NR3C1: variants seen among roughly 807,000 people sequenced by gnomAD.
NR3C1 encodes nuclear receptor subfamily 3 group C member 1.
NR3C1 carries 14 observed loss-of-function variants against 74.0 expected under a neutral mutation model. The observed-to-expected ratio is 0.19, with a 90% CI of 0.12 to 0.30. The LOEUF (loss-of-function observed/expected upper bound fraction) is 0.30. Ranked by LOEUF, NR3C1 falls within the 10% of genes least tolerant of loss-of-function variation. The probability of loss-of-function intolerance (pLI) is 1.00; values close to 1 mark genes in which losing one functional copy is unlikely to be tolerated. For synonymous variants in NR3C1, 308 were observed against 332.5 expected (o/e 0.93, Z 0.80); for missense variants, 695 against 909.8 (o/e 0.76, Z 3.04).
chr5:143,291,128 ACT>A (rs1236837764), intron 7 of NR3C1, among the ~76,000 whole-genome samples: 2 of 152,064 alleles, frequency 1.3e-5, no homozygotes, highest in African/African-American at 4.8e-5. Flanking sequence ...GGAAATTGTT[ACT>A]GTTGTTATTT....
At chr5:143,363,681 C>T (rs1832690515) in intron 2 of NR3C1, among the ~76,000 whole-genome samples, 1 of 151,880 alleles carries the variant, frequency 6.6e-6, no homozygotes, top group Admixed American at 6.6e-5. Context: ...TCTCATTAAA[C>T]TGAGAATAAT....
At chr5:143,345,549 T>C (rs1479881576) in intron 2 of NR3C1, among the ~76,000 whole-genome samples, 2 of 152,228 alleles carry the variant, frequency 1.3e-5, no homozygotes, top group African/African-American at 2.4e-5. Flanking sequence ...AAGTCTGCGA[T>C]AATCATTCAA....
intron 2 of NR3C1, among the ~76,000 whole-genome samples, chr5:143,367,682 A>AT (rs1199384851): frequency 6.6e-6 from 1 of 152,198 alleles, no homozygotes; most frequent in Admixed American, 6.5e-5. Context: ...TCAAGAATAA[A>AT]TTTAATCGAA....
chr5:143,384,016 G>C (rs1561734846), intron 2 of NR3C1, among the ~76,000 whole-genome samples: 1 of 152,206 alleles, frequency 6.6e-6, no homozygotes, highest in African/African-American at 2.4e-5. Context: ...TTGACTTACA[G>C]TTCCACAGGC....
chr5:143,426,374 G>T (rs1211059211), intron 1 of NR3C1, among the ~76,000 whole-genome samples: 1 of 152,162 alleles, frequency 6.6e-6, no homozygotes, highest in East Asian at 1.9e-4. Flanking sequence ...TAAAGTTTAT[G>T]TCATGTGAAT....
At chr5:143,359,644 C>T (rs768589228) in intron 2 of NR3C1, among the ~76,000 whole-genome samples, 13 of 152,132 alleles carry the variant, frequency 8.5e-5, no homozygotes, top group Admixed American at 1.3e-4. Context: ...TAGCTGGATG[C>T]GGTGGCTCAC....
chr5:143,334,227 C>T (rs1255274726), intron 2 of NR3C1, among the ~76,000 whole-genome samples: 1 of 151,936 alleles, frequency 6.6e-6, no homozygotes, highest in Non-Finnish European at 1.5e-5. Context: ...ACTAAAAATA[C>T]AAAAATTAGC....
At chr5:143,349,907 C>T (rs566000054) in intron 2 of NR3C1, among the ~76,000 whole-genome samples, 2 of 152,012 alleles carry the variant, frequency 1.3e-5, no homozygotes, top group African/African-American at 2.4e-5. Flanking sequence ...CTAACCCAAA[C>T]GTGGGAGATC....
chr5:143,392,270 CT>C (rs1838389091), intron 2 of NR3C1, among the ~76,000 whole-genome samples: 1 of 152,156 alleles, frequency 6.6e-6, no homozygotes, highest in Non-Finnish European at 1.5e-5. Context: ...TGGCCTAATG[CT>C]TTTTAATTTT....
intron 6 of NR3C1, among the ~76,000 whole-genome samples, chr5:143,297,784 G>A (rs1817620178): frequency 1.3e-5 from 2 of 152,232 alleles, no homozygotes; most frequent in Admixed American, 1.3e-4. Context: ...CTTCTCTGCT[G>A]TGTATCTGGT....
chr5:143,333,148 C>T, intron 2 of NR3C1: 1 of 1,576,232 alleles, frequency 6.3e-7, no homozygotes, highest in Non-Finnish European at 8.6e-7. Flanking sequence ...GCCCATCATG[C>T]TACCAAAAAT....
Position 143,400,768 on chromosome 5 carries a change from TC to T in NR3C1, c.71del (p.Gly24GlufsTer3), listed in dbSNP as rs1840124981. On this transcript the variant is annotated frameshift_variant, in exon 2 of 9. Coordinates refer to ENST00000394464, the MANE Select transcript of NR3C1 (RefSeq NM_000176.3). LOFTEE classifies it high-confidence loss of function. ...GGGTTTTATAGAAGTCCATCACATCTCCCCTCTCCTGAGCAAGCACACTGCT... is the reference window on the plus strand; with the variant it reads ...GGGTTTTATAGAAGTCCATCACATCTCCCTCTCCTGAGCAAGCACACTGCT... ...NPSSVLAQER[G>X]DVMDFYKTLR... 1 of 1,614,008 alleles carries T rather than the reference TC, an allele frequency of 6.2e-7. No individual in the cohort carries two copies. Among genetic ancestry groups the T allele is most frequent in the Admixed American group, 1.7e-5 (1 of 60,002 alleles).
At chr5:143,333,691 C>A (rs1826491693) in intron 2 of NR3C1, among the ~76,000 whole-genome samples, 1 of 152,044 alleles carries the variant, frequency 6.6e-6, no homozygotes, top group Non-Finnish European at 1.5e-5. Context: ...TCGCTTGAAC[C>A]CAGGAGGCAG....
chr5:143,321,438 A>G (rs539268029), intron 2 of NR3C1, among the ~76,000 whole-genome samples: 1 of 152,252 alleles, frequency 6.6e-6, no homozygotes, highest in African/African-American at 2.4e-5. Flanking sequence ...GACCGCTGCC[A>G]TTCTAATGCA....
At chr5:143,317,346 G>A (rs558919567) in intron 2 of NR3C1, among the ~76,000 whole-genome samples, 1 of 152,214 alleles carries the variant, frequency 6.6e-6, no homozygotes, top group East Asian at 1.9e-4. Context: ...CCCTTTGAAT[G>A]GGAAAGCTAA....
At chr5:143,393,366 T>A (rs1401883557) in intron 2 of NR3C1, among the ~76,000 whole-genome samples, 1 of 152,166 alleles carries the variant, frequency 6.6e-6, no homozygotes, top group Non-Finnish European at 1.5e-5. Flanking sequence ...ACACAGGTGT[T>A]TTGAAAACAA....
chr5:143,431,145 T>C (rs1183749392), intron 1 of NR3C1, among the ~76,000 whole-genome samples: 2 of 152,128 alleles, frequency 1.3e-5, no homozygotes, highest in Non-Finnish European at 2.9e-5. Context: ...TGGTTTAGGA[T>C]ACCAGGGTTC....
intron 2 of NR3C1, among the ~76,000 whole-genome samples, chr5:143,320,486 A>G (rs1823126994): frequency 1.3e-5 from 2 of 152,178 alleles, no homozygotes; most frequent in South Asian, 4.1e-4. Flanking sequence ...TCAGACCTCT[A>G]AGACACCAGT....
At chr5:143,284,746 C>A (rs1459989049) in intron 7 of NR3C1, among the ~76,000 whole-genome samples, 1 of 152,000 alleles carries the variant, frequency 6.6e-6, no homozygotes, top group Non-Finnish European at 1.5e-5. Context: ...AACTGGACAA[C>A]AAGCAATACA....
Sources: gnomAD v4.1 joint callset for allele counts (sites outside exome capture counted in the v4.1 genomes callset) on GRCh38, gnomAD v4.1.1 for gene constraint, MANE v1.5 for transcripts, NCBI Gene and HGNC (gene_info 2026-07-23, HGNC 2026-07-21) for gene names.